The following AARS1 variants were observed in gnomAD, a reference collection of about 807,000 sequenced individuals.
AARS1 encodes alanine--tRNA ligase, cytoplasmic.
AARS1 carries 72 observed loss-of-function variants against 108.9 expected under a neutral mutation model. That is an observed-to-expected ratio of 0.66 (90% confidence interval 0.55 to 0.80). The LOEUF (loss-of-function observed/expected upper bound fraction) is 0.80. AARS1 is among the 30% of genes least tolerant of loss of function. AARS1 has a pLI of 0.00. For missense variants in AARS1, 1,193 were observed against 1,233.2 expected, an observed-to-expected ratio of 0.97 and a Z score of 0.49; for synonymous variants, 489 against 465.7, an observed-to-expected ratio of 1.05 and a Z score of -0.64.
rs1960898285 is a variant in AARS1 at position 70,288,041 on chromosome 16, AG to A, written c.-22+1379del. ...CGGCCTCCCAAAGTGCTGGGATTAC[AG>A]GGGTGAGCTACCGCGCCCGGCCAAG... is the stretch of plus-strand genomic sequence containing the variant. On this transcript the variant is annotated intron_variant, in intron 1 of 20. Coordinates refer to ENST00000261772, the MANE Select transcript of AARS1 (RefSeq NM_001605.3). 2.0e-5 allele frequency among the ~76,000 whole-genome samples: 3 copies of A among 149,878 alleles called. No individual in the cohort carries two copies. The South Asian group carries it at 6.4e-4, about 32-fold the overall frequency.
chr16:70,257,705 C>T (rs568053654), intron 15 of AARS1, among the ~76,000 whole-genome samples: 1 of 152,338 alleles, frequency 6.6e-6, no homozygotes, highest in African/African-American at 2.4e-5. Context: ...TCAACAAGCA[C>T]TCCAGGCCTT....
Position 70,261,083 on chromosome 16 carries a change from G to A in AARS1, c.1746C>T (p.Asp582=). The change falls in exon 13 of 21, where the codon GAC becomes GAT. Residue 582 remains aspartate (D), a synonymous_variant. Transcript: ENST00000261772. The stretch of plus-strand genomic sequence containing the variant: ...GCCAGACCTGATCCCCCACTTTCAG[G>A]TCACCGTAGATGGTTCCAATGTGTA... ...YVLHIGTIYG[D]LKVGDQVWLF... is the part of the protein sequence containing the mutation. 1.9e-6 allele frequency: 3 copies of A among 1,613,824 alleles called. No individual in the cohort carries two copies. The highest frequency in any genetic ancestry group is 1.7e-6 in the Non-Finnish European group (2 of 1,179,868).
At chr16:70,253,676 A>T (rs371353342) in intron 19 of AARS1, 38 bp downstream of exon 19, 16 of 1,604,398 alleles carry the variant, frequency 1.0e-5, no homozygotes, top group Non-Finnish European at 1.4e-5. Context: ...CAGAGAGCTG[A>T]TGAGCCCTAG....
rs145133370 is a variant in AARS1 at position 70,271,385 on chromosome 16, G to A, written c.671+396C>T. ...CTCCACTAAAAATACAAAATTAGCC[G>A]GGCGTGGTGGCACATGCCTGTAATC... is the stretch of plus-strand genomic sequence containing the variant. On this transcript the variant is annotated intron_variant, in intron 5 of 20. Coordinates refer to ENST00000261772, the MANE Select transcript of AARS1 (RefSeq NM_001605.3). Among the ~76,000 whole-genome samples the A allele has an allele frequency of 8.1e-3, 1,218 of 150,902 alleles. 8 individuals are homozygous for A. Among genetic ancestry groups the A allele is most frequent in the Non-Finnish European group, 0.013 (895 of 67,746 alleles).
In AARS1 at chr16:70,252,566, G is replaced by A. The variant is rs971063373; in HGVS notation, c.*155C>T. ...TGGAGGGCTCAGGGCAGAAATTTAA[G>A]GGGCACTGAGACATAGGACTGCTCC... On this transcript the variant is annotated 3_prime_UTR_variant, in exon 21 of 21. Transcript: ENST00000261772. 24 of 789,390 alleles carry A rather than the reference G, an allele frequency of 3.0e-5. No individual in the cohort carries two copies. In the African/African-American group the frequency reaches 3.8e-4, roughly 12 times the overall value. 48.9% of individuals were successfully genotyped at this position (789,390 alleles called of 1,614,324 possible). A position where few individuals can be genotyped will look rare whatever the true frequency, so the allele number is the denominator to read the frequency against.
Position 70,268,314 on chromosome 16 carries a change from C to G in AARS1, c.1028G>C (p.Arg343Thr). ...ATCCACTAACGTAGCAAAGAAGCCC[C>G]TGCTGGCATTGAGCTTTTCATGGGC... ...RYAHEKLNAS[R>T]GFFATLVDVV... The change falls in exon 8 of 21, where the codon AGG (arginine) becomes ACG (threonine). Residue 343 changes from arginine to threonine, a missense_variant. Physicochemically the swap from Arg to Thr is moderately conservative, Grantham distance 71. Transcript: ENST00000261772. 1 of 1,614,202 alleles carries G rather than the reference C, an allele frequency of 6.2e-7. No individual in the cohort carries two copies. The highest frequency in any genetic ancestry group is 1.3e-5 in the African/African-American group (1 of 75,062).
intron 1 of AARS1, among the ~76,000 whole-genome samples, chr16:70,288,374 G>A (rs539392350): frequency 6.6e-6 from 1 of 151,788 alleles, no homozygotes; most frequent in Non-Finnish European, 1.5e-5. Context: ...CTCCCCAAGT[G>A]CTGGGATTAC....
chr16:70,261,377 C>G (rs1164573951), intron 12 of AARS1: 6 of 402,114 alleles, frequency 1.5e-5, no homozygotes, highest in Non-Finnish European at 2.8e-5. Context: ...GAGTAGATCA[C>G]CTGAGGCCAG....
chr16:70,268,209 C>T (rs760926250), intron 8 of AARS1, 62 bp downstream of exon 8: 59 of 1,463,634 alleles, frequency 4.0e-5, no homozygotes, highest in Non-Finnish European at 5.4e-5. Flanking sequence ...ATGCCCTCTC[C>T]CACTCCATCC....
At chr16:70,261,229 T>TAAGA in intron 12 of AARS1, 72 bp from the exon 13 acceptor site, 1 of 1,090,436 alleles carries the variant, frequency 9.2e-7, no homozygotes, top group Non-Finnish European at 1.4e-6. Flanking sequence ...ATTTTCAATA[T>TAAGA]AAACTCGTGT....
chr16:70,260,788 G>C (rs1176778673), intron 13 of AARS1, among the ~76,000 whole-genome samples: 1 of 151,896 alleles, frequency 6.6e-6, no homozygotes, highest in African/African-American at 2.4e-5. Context: ...TCAGCCTCCC[G>C]AGTAGCTGGG....
chr16:70,259,125 C>A lies in AARS1; in HGVS notation c.1847G>T (p.Arg616Leu). The change falls in exon 14 of 21, where the codon CGC (arginine) becomes CTC (leucine). Residue 616 changes from arginine to leucine, a missense_variant. Arg to Leu is a moderately radical substitution (Grantham distance 102, BLOSUM62 -2). Transcript: ENST00000261772. ...CTGGTCAGCTTCCCCAAGCACTGAG[C>A]GCAGGGCGAAGTTCAGAATGTGCGT... ...TATHILNFAL[R>L]SVLGEADQKG... 6.2e-7 allele frequency: 1 copy of A among 1,614,130 alleles called. No homozygotes were observed. Among genetic ancestry groups the A allele is most frequent in the African/African-American group, 1.3e-5 (1 of 75,032 alleles).
intron 9 of AARS1, among the ~76,000 whole-genome samples, chr16:70,266,158 A>G (rs1960257654): frequency 6.6e-6 from 1 of 151,956 alleles, no homozygotes; most frequent in Non-Finnish European, 1.5e-5. Context: ...CTAAAAATAC[A>G]AAAAAATTAG....
rs1481222239 is a variant in AARS1 at position 70,275,215 on chromosome 16, G to T, written c.479+1271C>A. ...GCAGAGGTTACAGTGAGCCAAGATC[G>T]CACCAGTGCACTCCAGCCTAGGTGA... On this transcript the variant is annotated intron_variant, in intron 4 of 20. Transcript: ENST00000261772. Among the ~76,000 whole-genome samples the T allele has an allele frequency of 2.6e-5, 4 of 151,992 alleles. No homozygotes were observed. The East Asian group carries it at 7.7e-4, about 29-fold the overall frequency.
intron 4 of AARS1, among the ~76,000 whole-genome samples, chr16:70,274,162 C>A (rs1960480855): frequency 6.7e-6 from 1 of 148,782 alleles, no homozygotes; most frequent in Non-Finnish European, 1.5e-5. Context: ...ATGGAGAAAC[C>A]CGTCTCTACT....
chr16:70,283,355 C>A (rs1199742847), intron 1 of AARS1, among the ~76,000 whole-genome samples: 1 of 151,556 alleles, frequency 6.6e-6, no homozygotes, highest in Non-Finnish European at 1.5e-5. Flanking sequence ...CAAGACCACA[C>A]CACTGCACTC....
At chr16:70,267,629 G>C in intron 9 of AARS1, 30 bp downstream of exon 9, 1 of 1,614,020 alleles carries the variant, frequency 6.2e-7, no homozygotes, top group Non-Finnish European at 8.5e-7. Flanking sequence ...CAAACGGCCA[G>C]GATGGAGAAG....
chr16:70,255,608 C>T, intron 16 of AARS1, 120 bp downstream of exon 16: 1 of 897,400 alleles, frequency 1.1e-6, no homozygotes, highest in South Asian at 1.4e-5. Context: ...GGGAGTGGCC[C>T]AGCCTGTACT....
At chr16:70,259,231 C>T (rs1960076275) in intron 13 of AARS1, 45 bp from the exon 14 acceptor site, 2 of 1,568,640 alleles carry the variant, frequency 1.3e-6, no homozygotes, top group South Asian at 2.2e-5. Context: ...TAATAGACTG[C>T]TAGTTATCTC....
Sources: gnomAD v4.1 joint callset for allele counts (sites outside exome capture counted in the v4.1 genomes callset) on GRCh38, gnomAD v4.1.1 for gene constraint, MANE v1.5 for transcripts, NCBI Gene and HGNC (gene_info 2026-07-23, HGNC 2026-07-21) for gene names.